Variants in MTHFD1L observed in about 807,000 individuals in gnomAD.
MTHFD1L encodes the protein methylenetetrahydrofolate dehydrogenase (NADP+ dependent) 1 like, also known as monofunctional C1-tetrahydrofolate synthase, mitochondrial.
A neutral mutation model predicts 119.5 loss-of-function variants in MTHFD1L; 81 were observed. The ratio of observed to expected loss-of-function variants is 0.68; its 90% CI spans 0.57 to 0.82. MTHFD1L has a LOEUF of 0.82. MTHFD1L is among the 40% of genes least tolerant of loss of function. The pLI is 0.00. For missense variants in MTHFD1L, 1,125 were observed against 1,253.4 expected (o/e 0.90, Z 1.55); for synonymous variants, 430 against 475.2 (o/e 0.90, Z 1.24).
intron 1 of MTHFD1L, among the ~76,000 whole-genome samples, chr6:150,872,111 C>A (rs961506553): frequency 1.4e-5 from 2 of 147,436 alleles, no homozygotes; most frequent in African/African-American, 5.0e-5. Flanking sequence ...CTCCTGACCT[C>A]GTGATCCGCC....
intron 20 of MTHFD1L, among the ~76,000 whole-genome samples, chr6:150,986,970 G>A (rs191168620): frequency 6.8e-4 from 104 of 152,256 alleles, no homozygotes; most frequent in African/African-American, 2.4e-3. Flanking sequence ...TCAAAGTGCT[G>A]GGATTACAGA....
In MTHFD1L at chr6:151,014,865, T is replaced by C. The variant is rs561356326; in HGVS notation, c.2308-15T>C. ...ATACACAGGGGTCTGGGTTTTGCTTTTTTCTTTTTTACAGAACATCCAGCT... is the reference window on the plus strand; with the variant it reads ...ATACACAGGGGTCTGGGTTTTGCTTCTTTCTTTTTTACAGAACATCCAGCT... On this transcript the variant is annotated splice_polypyrimidine_tract_variant and intron_variant, in intron 22 of 27. Transcript: ENST00000367321. 1 of 1,612,658 alleles carries C rather than the reference T, an allele frequency of 6.2e-7. No individual in the cohort carries two copies. Among genetic ancestry groups the C allele is most frequent in the South Asian group, 1.1e-5 (1 of 90,856 alleles).
intron 12 of MTHFD1L, among the ~76,000 whole-genome samples, 176 bp downstream of exon 12, chr6:150,937,116 G>C (rs1792208415): frequency 6.6e-6 from 1 of 152,190 alleles, no homozygotes. Context: ...GCATGAAAAA[G>C]AGCAGTGGGA....
At chr6:150,993,265 G>A (rs1226740621) in intron 20 of MTHFD1L, among the ~76,000 whole-genome samples, 1 of 151,904 alleles carries the variant, frequency 6.6e-6, no homozygotes, top group Non-Finnish European at 1.5e-5. Context: ...TCTTCATTTG[G>A]CACATACACA....
rs545798441 is a variant in MTHFD1L at position 150,951,494 on chromosome 6, C to A, written c.1726+2361C>A. On this transcript the variant is annotated intron_variant, in intron 16 of 27. Transcript: ENST00000367321. ...TTTTTTGGTATAACTCTAGTTATAA[C>A]TTTAGTGTATAGATTTTATATCCTA... 4.6e-5 allele frequency among the ~76,000 whole-genome samples: 7 copies of A among 152,154 alleles called. No individual in the cohort carries two copies. In the East Asian group the frequency reaches 1.4e-3, roughly 29 times the overall value.
chr6:150,916,292 CTTTTTTT>C (rs71554488), intron 8 of MTHFD1L, among the ~76,000 whole-genome samples: 6 of 39,984 alleles, frequency 1.5e-4, no homozygotes, highest in African/African-American at 3.9e-4. Context: ...AAGGTAGAAT[CTTTTTTT>C]TTTTTTTTTT....
chr6:151,015,206 C>CTTTTTTTTTTTTTTTTTTTTATT (rs1782857577), intron 23 of MTHFD1L, among the ~76,000 whole-genome samples: 1 of 76,934 alleles, frequency 1.3e-5, no homozygotes, highest in Non-Finnish European at 2.4e-5. Flanking sequence ...ATCTCCTTGG[C>CTTTTTTTTTTTTTTTTTTTTATT]TTTTTTTTTT....
intron 20 of MTHFD1L, among the ~76,000 whole-genome samples, chr6:150,981,686 A>G (rs974571338): frequency 5.3e-5 from 8 of 152,242 alleles, no homozygotes; most frequent in Admixed American, 1.3e-4. Flanking sequence ...GTCCATGTTT[A>G]GGAATGAGTC....
At chr6:150,959,377 A>C in intron 17 of MTHFD1L, 2 of 192,922 alleles carry the variant, frequency 1.0e-5, no homozygotes, top group Non-Finnish European at 1.9e-5. Context: ...GCTGGGGCGT[A>C]ATGAAGTGGT....
Position 151,014,869 on chromosome 6 carries a change from C to A in MTHFD1L, c.2308-11C>A, listed in dbSNP as rs758975562. On this transcript the variant is annotated splice_polypyrimidine_tract_variant and intron_variant, in intron 22 of 27. Transcript: ENST00000367321. ...ACAGGGGTCTGGGTTTTGCTTTTTT[C>A]TTTTTTACAGAACATCCAGCTGGTG... 1 of 1,612,288 alleles carries A rather than the reference C, an allele frequency of 6.2e-7. No individual in the cohort carries two copies. The highest frequency in any genetic ancestry group is 8.5e-7 in the Non-Finnish European group (1 of 1,179,372).
At chr6:150,932,311 CATG>C in intron 11 of MTHFD1L, among the ~76,000 whole-genome samples, 1 of 152,098 alleles carries the variant, frequency 6.6e-6, no homozygotes, top group Non-Finnish European at 1.5e-5. Context: ...GCGAGACAGG[CATG>C]TCAGAATGCT....
In MTHFD1L at chr6:150,970,248, C is replaced by T. The variant is rs1464644153; in HGVS notation, c.2014-1699C>T. On this transcript the variant is annotated intron_variant, in intron 19 of 27. Transcript: ENST00000367321. Reference sequence around the variant, plus strand: ...CGGGCTCCCCATCAGACCCAGTGAACGTAATGTCTGAGGATAAGGCTTGGG... The same window carrying T: ...CGGGCTCCCCATCAGACCCAGTGAATGTAATGTCTGAGGATAAGGCTTGGG... Among the ~76,000 whole-genome samples the T allele has an allele frequency of 3.3e-5, 5 of 152,114 alleles. No individual in the cohort carries two copies. The South Asian group carries it at 8.3e-4, about 25-fold the overall frequency.
rs572607813 is a variant in MTHFD1L, at chr6:151,081,482, G to A, written c.2848-10985G>A. ...AGGCTGGCCAACATGGTGAAACGCT[G>A]CCTCTACTAAAAATGCAAAAAAAAA... On this transcript the variant is annotated intron_variant, in intron 26 of 27. Transcript: ENST00000367321. Among the ~76,000 whole-genome samples, 9 of 136,972 alleles carry A rather than the reference G, an allele frequency of 6.6e-5. No individual in the cohort carries two copies. In the South Asian group the frequency reaches 1.4e-3, roughly 21 times the overall value. 89.9% of individuals were successfully genotyped at this position (136,972 alleles called of 152,430 possible). A position where few individuals can be genotyped will look rare whatever the true frequency, so the allele number is the denominator to read the frequency against.
At chr6:150,950,541 A>T (rs1794696869) in intron 16 of MTHFD1L, among the ~76,000 whole-genome samples, 1 of 152,198 alleles carries the variant, frequency 6.6e-6, no homozygotes, top group Non-Finnish European at 1.5e-5. Flanking sequence ...TTTAAAATGG[A>T]ATCATAATTC....
At chr6:151,058,333 G>A (rs1790227499) in intron 26 of MTHFD1L, among the ~76,000 whole-genome samples, 1 of 152,220 alleles carries the variant, frequency 6.6e-6, no homozygotes, top group African/African-American at 2.4e-5. Context: ...TGGCGTGGGA[G>A]CACTGATGCT....
chr6:151,023,048 G>GT (rs34683676), intron 24 of MTHFD1L, among the ~76,000 whole-genome samples: 3,138 of 134,114 alleles, frequency 0.023, 94 homozygotes, highest in African/African-American at 0.067. Context: ...TGGTTTTTGG[G>GT]TTTTTTTTTT....
intron 16 of MTHFD1L, among the ~76,000 whole-genome samples, chr6:150,949,661 C>T (rs1182902389): frequency 1.3e-5 from 2 of 152,114 alleles, no homozygotes; most frequent in Admixed American, 1.3e-4. Flanking sequence ...GGTGGAGTCC[C>T]CGTGAGCTCC....
chr6:151,000,255 T>G lies in MTHFD1L; in HGVS notation c.2126-9564T>G, dbSNP rs745368293. On this transcript the variant is annotated intron_variant, in intron 20 of 27. Transcript: ENST00000367321. Reference sequence around the variant, plus strand: ...GGGAGGCTGAGGCAGGAGAATTGCTTGAACCAGGGAGGTGGAGGTTGCAGT... The same window carrying G: ...GGGAGGCTGAGGCAGGAGAATTGCTGGAACCAGGGAGGTGGAGGTTGCAGT... Among the ~76,000 whole-genome samples the G allele has an allele frequency of 5.7e-4, 86 of 151,366 alleles. No homozygotes were observed. The Middle Eastern group carries it at 0.017, about 31-fold the overall frequency.
intron 11 of MTHFD1L, among the ~76,000 whole-genome samples, chr6:150,930,799 T>A (rs6901199): frequency 0.52 from 78,475 of 151,980 alleles, 22,396 homozygotes; most frequent in African/African-American, 0.77. Context: ...GAGATTTTTT[T>A]AAATCTTCTA....
Sources: gnomAD v4.1 joint callset for allele counts (sites outside exome capture counted in the v4.1 genomes callset) on GRCh38, gnomAD v4.1.1 for gene constraint, MANE v1.5 for transcripts, NCBI Gene and HGNC (gene_info 2026-07-23, HGNC 2026-07-21) for gene names.